The following MCU variants were observed in gnomAD, a reference collection of about 807,000 sequenced individuals.
MCU encodes the protein calcium uniporter protein, mitochondrial.
In MCU, 12 loss-of-function variants were observed where a neutral mutation model predicts 45.2. That is an observed-to-expected ratio of 0.27 (90% CI 0.17 to 0.43). The LOEUF (loss-of-function observed/expected upper bound fraction) is 0.43. Among genes scored for constraint, MCU ranks in the 20% least tolerant of loss-of-function variants. The pLI is 1.00. For synonymous variants in MCU, 160 were observed against 165.1 expected, an observed-to-expected ratio of 0.97 and a Z score of 0.24; for missense variants, 324 against 436.7, an observed-to-expected ratio of 0.74 and a Z score of 2.30.
intron 1 of MCU, among the ~76,000 whole-genome samples, chr10:72,743,106 C>G (rs929641247): frequency 6.6e-6 from 1 of 151,740 alleles, no homozygotes. Context: ...TTCACTGTCT[C>G]GAGAAAAGTG....
At chr10:72,861,857 A>G (rs1442274828) in intron 4 of MCU, 1 of 289,708 alleles carries the variant, frequency 3.5e-6, no homozygotes, top group Non-Finnish European at 6.8e-6. Flanking sequence ...AAAATGCATG[A>G]TGAACAAAAT....
chr10:72,775,976 G>A (rs926091762), intron 1 of MCU, among the ~76,000 whole-genome samples: 1 of 152,064 alleles, frequency 6.6e-6, no homozygotes, highest in Non-Finnish European at 1.5e-5. Context: ...ACCAGCCTGG[G>A]CAACATAGTG....
chr10:72,832,087 G>C (rs1448020246), intron 1 of MCU, among the ~76,000 whole-genome samples: 4 of 152,068 alleles, frequency 2.6e-5, no homozygotes, highest in African/African-American at 4.8e-5. Flanking sequence ...TTTTTTAAGA[G>C]ATGAGGTCTC....
chr10:72,753,889 C>CA (rs1427370677), intron 1 of MCU, among the ~76,000 whole-genome samples: 2 of 151,576 alleles, frequency 1.3e-5, no homozygotes, highest in South Asian at 2.1e-4. Flanking sequence ...CCAAAAAAAA[C>CA]AAAAAAACAA....
chr10:72,766,674 T>C (rs1490726719), intron 1 of MCU: 3 of 152,242 alleles, frequency 2.0e-5, no homozygotes, highest in Non-Finnish European at 4.4e-5. Flanking sequence ...CTTGCATTTC[T>C]CTCTGTGTAA....
intron 1 of MCU, among the ~76,000 whole-genome samples, chr10:72,730,314 T>TC (rs1163995852): frequency 6.8e-6 from 1 of 145,990 alleles, no homozygotes; most frequent in African/African-American, 2.6e-5. Flanking sequence ...TTTCTTTTTT[T>TC]TTTTTTTTTT....
At chr10:72,776,415 C>A (rs1843895093) in intron 1 of MCU, among the ~76,000 whole-genome samples, 1 of 152,136 alleles carries the variant, frequency 6.6e-6, no homozygotes. Context: ...AATGATTCAA[C>A]ACATGCAAAT....
chr10:72,842,303 C>T (rs74145976), intron 2 of MCU, among the ~76,000 whole-genome samples: 6,093 of 152,264 alleles, frequency 0.04, 399 homozygotes, highest in African/African-American at 0.14. Context: ...TACCTCCACA[C>T]AGAAAACCTC....
At chr10:72,792,931 T>G (rs1176367611) in intron 1 of MCU, among the ~76,000 whole-genome samples, 1 of 151,688 alleles carries the variant, frequency 6.6e-6, no homozygotes, top group Non-Finnish European at 1.5e-5. Context: ...CAGGCTGGAG[T>G]GCAGTGGCAC....
intron 6 of MCU, among the ~76,000 whole-genome samples, chr10:72,881,362 A>G (rs996267260): frequency 6.6e-6 from 1 of 152,082 alleles, no homozygotes; most frequent in Non-Finnish European, 1.5e-5. Flanking sequence ...GATTTCTTAC[A>G]CGGAATGAAA....
chr10:72,762,888 C>G (rs1308260939), intron 1 of MCU, among the ~76,000 whole-genome samples: 1 of 151,992 alleles, frequency 6.6e-6, no homozygotes, highest in African/African-American at 2.4e-5. Context: ...GGTCAGAAAT[C>G]TGACAGAGGT....
intron 3 of MCU, chr10:72,860,203 A>G (rs993194622): frequency 1.3e-4 from 66 of 516,362 alleles, no homozygotes; most frequent in Non-Finnish European, 2.2e-4. Flanking sequence ...TCACTTGTTC[A>G]TATAGTTCAC....
intron 1 of MCU, among the ~76,000 whole-genome samples, chr10:72,803,039 T>TTTCTCCTC (rs1319360820): frequency 6.6e-6 from 1 of 152,192 alleles, no homozygotes; most frequent in Admixed American, 6.5e-5. Context: ...TAATACTCCT[T>TTTCTCCTC]TTCTCCTCTT....
chr10:72,725,347 C>T (rs1401157420), intron 1 of MCU, among the ~76,000 whole-genome samples: 5 of 151,974 alleles, frequency 3.3e-5, no homozygotes, highest in African/African-American at 9.7e-5. Context: ...AGGATAGCCT[C>T]GATCTCCTGA....
chr10:72,804,647 T>C (rs1246022040), intron 1 of MCU, among the ~76,000 whole-genome samples: 1 of 152,206 alleles, frequency 6.6e-6, no homozygotes, highest in African/African-American at 2.4e-5. Flanking sequence ...GCAAAAAAAC[T>C]GGCAAATTCA....
At chr10:72,778,874 GA>G (rs987511880) in intron 1 of MCU, among the ~76,000 whole-genome samples, 1 of 151,806 alleles carries the variant, frequency 6.6e-6, no homozygotes, top group African/African-American at 2.4e-5. Context: ...TTTCAGTGGG[GA>G]AAAAAAACTT....
intron 4 of MCU, among the ~76,000 whole-genome samples, chr10:72,864,266 C>T (rs999592107): frequency 6.6e-6 from 1 of 152,130 alleles, no homozygotes; most frequent in African/African-American, 2.4e-5. Flanking sequence ...AATTGATCTC[C>T]TGCAGTTCTC....
chr10:72,784,177 T>G (rs1195789654), intron 1 of MCU, among the ~76,000 whole-genome samples: 1 of 152,204 alleles, frequency 6.6e-6, no homozygotes, highest in Non-Finnish European at 1.5e-5. Flanking sequence ...AAAAGAAGAT[T>G]TTCTTCTGCT....
chr10:72,788,583 C>T (rs1844111927), intron 1 of MCU, among the ~76,000 whole-genome samples: 2 of 152,176 alleles, frequency 1.3e-5, no homozygotes, highest in African/African-American at 4.8e-5. Flanking sequence ...TGCCATGATG[C>T]ACCACTGCAC....
Sources: gnomAD v4.1 joint callset for allele counts (sites outside exome capture counted in the v4.1 genomes callset) on GRCh38, gnomAD v4.1.1 for gene constraint, MANE v1.5 for transcripts, NCBI Gene and HGNC (gene_info 2026-07-23, HGNC 2026-07-21) for gene names.